Variants in GARIN5A observed in about 807,000 individuals in gnomAD.
GARIN5A encodes the protein golgi associated RAB2 interactor 5A, also known as Golgi-associated RAB2 interactor protein 5A.
chr19:50,471,680 GCACGTGTGTGTATACGCATACATGCA>G, the GARIN5A span, among the ~76,000 whole-genome samples: 1 of 145,830 alleles, frequency 6.9e-6, no homozygotes, highest in African/African-American at 2.8e-5. Context: ...ACGCATACAT[GCACGTGTGTGTATACGCATACATGCA>G]CGTGTGTGTA....
the GARIN5A span, among the ~76,000 whole-genome samples, chr19:50,473,173 T>C: frequency 6.6e-6 from 1 of 152,214 alleles, no homozygotes; most frequent in Non-Finnish European, 1.5e-5. Flanking sequence ...GGTCAAAATC[T>C]GATTTGGCCA....
At chr19:50,471,812 ATACC>A in the GARIN5A span, among the ~76,000 whole-genome samples, 12 of 149,260 alleles carry the variant, frequency 8.0e-5, no homozygotes, top group East Asian at 1.8e-3. Context: ...ATACGCATAC[ATACC>A]TGTGTGTATA....
chr19:50,476,583 G>A, the GARIN5A span: 1 of 1,575,790 alleles, frequency 6.3e-7, no homozygotes, highest in East Asian at 2.3e-5. Context: ...GGCTGCTCCT[G>A]CTCTTGCTGA....
chr19:50,471,702 ATG>A, the GARIN5A span, among the ~76,000 whole-genome samples: 398 of 147,096 alleles, frequency 2.7e-3, 8 homozygotes, highest in Admixed American at 4.8e-3. Context: ...ATACGCATAC[ATG>A]CACGTGTGTG....
chr19:50,476,246 A>G, the GARIN5A span: 1 of 1,613,208 alleles, frequency 6.2e-7, no homozygotes, highest in Non-Finnish European at 8.5e-7. Flanking sequence ...CAGAGGGAGA[A>G]AGCGAGGGGG....
the GARIN5A span, among the ~76,000 whole-genome samples, chr19:50,471,703 T>C: frequency 1.9e-3 from 261 of 140,356 alleles, 1 homozygote; most frequent in African/African-American, 7.4e-3. Flanking sequence ...TACGCATACA[T>C]GCACGTGTGT....
At chr19:50,476,776 G>A in the GARIN5A span, 1 of 671,694 alleles carries the variant, frequency 1.5e-6, no homozygotes, top group Non-Finnish European at 2.4e-6. Context: ...AGAGGTGGGA[G>A]ATCCCTGGAA....
chr19:50,470,485 C>T, the GARIN5A span, among the ~76,000 whole-genome samples: 886 of 151,470 alleles, frequency 5.8e-3, 4 homozygotes, highest in Non-Finnish European at 7.2e-3. Flanking sequence ...TACACTCCAG[C>T]CTGGGCAACA....
chr19:50,476,364 G>T, the GARIN5A span: 1 of 1,572,148 alleles, frequency 6.4e-7, no homozygotes, highest in East Asian at 2.3e-5. Context: ...GGCTCCTGGA[G>T]ATCAGGCCAA....
chr19:50,476,302 G>A, the GARIN5A span: 2 of 1,599,704 alleles, frequency 1.3e-6, no homozygotes, highest in South Asian at 1.1e-5. Context: ...CGGGCTTTAT[G>A]ACGTCACACA....
chr19:50,472,116 ATG>A, the GARIN5A span, among the ~76,000 whole-genome samples: 1 of 151,096 alleles, frequency 6.6e-6, no homozygotes, highest in African/African-American at 2.4e-5. Context: ...ACGTGTGTAT[ATG>A]TATATATACG....
chr19:50,472,620 C>A, the GARIN5A span, among the ~76,000 whole-genome samples: 3 of 152,032 alleles, frequency 2.0e-5, no homozygotes, highest in African/African-American at 7.2e-5. Flanking sequence ...AGGGGCTGGG[C>A]AAGGTGGGTC....
the GARIN5A span, among the ~76,000 whole-genome samples, chr19:50,468,363 CAAAAAAAAA>C: frequency 1.3e-5 from 1 of 77,068 alleles, no homozygotes. Context: ...GACTGTGTCT[CAAAAAAAAA>C]AAAAAAAAAA....
chr19:50,469,206 C>T, the GARIN5A span, among the ~76,000 whole-genome samples: 13 of 152,210 alleles, frequency 8.5e-5, no homozygotes, highest in Admixed American at 2.6e-4. Flanking sequence ...TCCATGAACA[C>T]ACCAGGCTCA....
At chr19:50,476,362 G>C in the GARIN5A span, 1 of 1,572,634 alleles carries the variant, frequency 6.4e-7, no homozygotes, top group Non-Finnish European at 8.6e-7. Flanking sequence ...GCGGCTCCTG[G>C]AGATCAGGCC....
chr19:50,469,851 C>T, the GARIN5A span, among the ~76,000 whole-genome samples: 7 of 152,314 alleles, frequency 4.6e-5, no homozygotes, highest in Middle Eastern at 3.4e-3. Context: ...CGCCTGTAAC[C>T]GAGATGCCAA....
chr19:50,473,500 T>C, the GARIN5A span, among the ~76,000 whole-genome samples: 2 of 152,112 alleles, frequency 1.3e-5, no homozygotes. Flanking sequence ...ACCACATGTA[T>C]GTGTCACCAT....
At chr19:50,476,241 G>C in the GARIN5A span, 1 of 1,613,324 alleles carries the variant, frequency 6.2e-7, no homozygotes, top group African/African-American at 1.3e-5. Context: ...AGGAGCAGAG[G>C]GAGAAAGCGA....
the GARIN5A span, chr19:50,476,258 G>C: frequency 1.6e-5 from 25 of 1,611,484 alleles, no homozygotes; most frequent in Non-Finnish European, 1.7e-5. Flanking sequence ...GCGAGGGGGC[G>C]GGACTACGCG....
Sources: allele counts gnomAD v4.1 joint callset (sites outside exome capture counted in the v4.1 genomes callset), GRCh38; gene constraint gnomAD v4.1.1; transcripts MANE v1.5; gene names NCBI Gene and HGNC (gene_info 2026-07-23, HGNC 2026-07-21).